DOCK7: variants seen among roughly 807,000 people sequenced by gnomAD.
The protein encoded by DOCK7 is dedicator of cytokinesis 7, also known as dedicator of cytokinesis protein 7.
In DOCK7, 138 loss-of-function variants were observed where a neutral mutation model predicts 271.0. The ratio of observed to expected loss-of-function variants is 0.51; its 90% CI spans 0.44 to 0.59. The LOEUF (loss-of-function observed/expected upper bound fraction) is 0.59. Among genes scored for constraint, DOCK7 ranks in the 20% least tolerant of loss-of-function variants. The pLI is 0.00. For missense variants in DOCK7, 2,066 were observed against 2,592.4 expected, an observed-to-expected ratio of 0.80 and a Z score of 4.41; for synonymous variants, 823 against 876.1, an observed-to-expected ratio of 0.94 and a Z score of 1.07.
intron 16 of DOCK7, among the ~76,000 whole-genome samples, chr1:62,580,677 T>C (rs1647087351): frequency 6.6e-6 from 1 of 151,202 alleles, no homozygotes; most frequent in African/African-American, 2.4e-5. Context: ...AGATGAAGAT[T>C]AAAAAAAAAC....
intron 24 of DOCK7, 129 bp from the exon 25 acceptor site, chr1:62,542,832 A>T: frequency 1.4e-6 from 1 of 723,908 alleles, no homozygotes; most frequent in East Asian, 2.8e-5. Flanking sequence ...CCATTCAATG[A>T]TGCACTGAAG....
intron 4 of DOCK7, among the ~76,000 whole-genome samples, chr1:62,649,864 A>G (rs1055783304): frequency 5.3e-5 from 8 of 152,274 alleles, no homozygotes; most frequent in African/African-American, 1.9e-4. Flanking sequence ...CCTCTGCCTA[A>G]TAACATTCTT....
At chr1:62,592,110 G>A (rs1157995295) in intron 14 of DOCK7, among the ~76,000 whole-genome samples, 1 of 152,088 alleles carries the variant, frequency 6.6e-6, no homozygotes, top group Non-Finnish European at 1.5e-5. Context: ...ATCTCTGAAG[G>A]TGAAAGGCAT....
At chr1:62,665,048 G>A (rs1322337566) in intron 1 of DOCK7, among the ~76,000 whole-genome samples, 1 of 152,120 alleles carries the variant, frequency 6.6e-6, no homozygotes, top group Non-Finnish European at 1.5e-5. Context: ...GTGCAGTGGC[G>A]CGATCTCGGC....
In DOCK7 at chr1:62,577,245, A is replaced by ACAT. The variant is rs1415378862; in HGVS notation, c.2112+14_2112+16dup. ...ATTTCATTCAATCTGGAGAAAGTCA[A>ACAT]CATGGGAGACACTGACCTCAGGAGA... On this transcript the variant is annotated intron_variant, in intron 18 of 49. Coordinates refer to ENST00000635253, the MANE Select transcript of DOCK7 (RefSeq NM_001367561.1). 2 of 1,413,064 alleles carry ACAT rather than the reference A, an allele frequency of 1.4e-6. No individual in the cohort carries two copies. Among genetic ancestry groups the ACAT allele is most frequent in the Non-Finnish European group, 1.9e-6 (2 of 1,060,708 alleles). 87.5% of individuals were successfully genotyped at this position (1,413,064 alleles called of 1,614,324 possible). A position where few individuals can be genotyped will look rare whatever the true frequency, so the allele number is the denominator to read the frequency against.
At chr1:62,461,384 T>C (rs1238723434) in intron 48 of DOCK7, among the ~76,000 whole-genome samples, 2 of 152,050 alleles carry the variant, frequency 1.3e-5, no homozygotes, top group Admixed American at 6.6e-5. Context: ...AAAAGTAATA[T>C]ATAAAGTTAA....
intron 49 of DOCK7, among the ~76,000 whole-genome samples, chr1:62,456,825 A>G (rs770791857): frequency 5.9e-5 from 9 of 152,146 alleles, no homozygotes; most frequent in Non-Finnish European, 1.2e-4. Context: ...GCAAGAAGGA[A>G]AAACTTTCAA....
At chr1:62,670,572 A>G (rs1659863558) in intron 1 of DOCK7, among the ~76,000 whole-genome samples, 1 of 152,154 alleles carries the variant, frequency 6.6e-6, no homozygotes. Flanking sequence ...AAACACACCA[A>G]TCAGCACCCT....
At chr1:62,566,966 T>A (rs185269491) in intron 18 of DOCK7, among the ~76,000 whole-genome samples, 181 of 152,260 alleles carry the variant, frequency 1.2e-3, no homozygotes, top group Middle Eastern at 3.4e-3. Flanking sequence ...CACTGATCAA[T>A]AGAGAAATGC....
At chr1:62,610,093 C>T (rs1047420163) in intron 14 of DOCK7, among the ~76,000 whole-genome samples, 1 of 152,178 alleles carries the variant, frequency 6.6e-6, no homozygotes, top group African/African-American at 2.4e-5. Context: ...TCGTGATCCG[C>T]CTTCCTCGGC....
intron 7 of DOCK7, among the ~76,000 whole-genome samples, chr1:62,639,088 A>C (rs901662657): frequency 2.0e-5 from 3 of 152,124 alleles, no homozygotes; most frequent in Non-Finnish European, 4.4e-5. Context: ...CTAGTTGTCT[A>C]ATCATGTACC....
intron 39 of DOCK7, chr1:62,494,940 T>C (rs1035277008): frequency 1.3e-5 from 2 of 153,122 alleles, no homozygotes; most frequent in African/African-American, 4.8e-5. Flanking sequence ...TACTATTGTA[T>C]CTATTAAGGT....
chr1:62,492,943 G>T, intron 40 of DOCK7, 96 bp from the exon 41 acceptor site: 1 of 1,030,524 alleles, frequency 9.7e-7, no homozygotes, highest in Non-Finnish European at 1.4e-6. Context: ...GTAACTATCA[G>T]GTTAGGTTAA....
chr1:62,588,211 T>C (rs1433757394), intron 14 of DOCK7, among the ~76,000 whole-genome samples: 2 of 152,188 alleles, frequency 1.3e-5, no homozygotes, highest in Non-Finnish European at 2.9e-5. Context: ...AAACATTTGC[T>C]GATTGCTCCA....
chr1:62,473,592 C>T (rs917547708), intron 48 of DOCK7, among the ~76,000 whole-genome samples: 3 of 151,994 alleles, frequency 2.0e-5, no homozygotes, highest in Non-Finnish European at 4.4e-5. Flanking sequence ...TTTTCTCTCT[C>T]TCTCTCTTTC....
Position 62,625,436 on chromosome 1 carries a change from A to G in DOCK7, c.1283-35T>C, listed in dbSNP as rs1188657908. ...AATTAAAAAAAAAATTCATTTTCAT[A>G]GAAGTTAAATTTTGTTTTAAAGTAG... On this transcript the variant is annotated intron_variant, in intron 11 of 49. Transcript: ENST00000635253. 4.5e-6 allele frequency: 7 copies of G among 1,565,170 alleles called. No individual in the cohort carries two copies. In the Admixed American group the frequency reaches 7.7e-5, roughly 17 times the overall value.
chr1:62,595,449 A>G (rs151147750), intron 14 of DOCK7, among the ~76,000 whole-genome samples: 60 of 152,306 alleles, frequency 3.9e-4, no homozygotes, highest in African/African-American at 1.2e-3. Flanking sequence ...AAGTAATTTG[A>G]CCAAAGGTCA....
At chr1:62,654,394 A>G (rs953087676) in intron 2 of DOCK7, among the ~76,000 whole-genome samples, 16 of 152,128 alleles carry the variant, frequency 1.1e-4, no homozygotes, top group African/African-American at 3.9e-4. Flanking sequence ...CTTTGCCCAG[A>G]ACTCTCACAT....
At chr1:62,592,371 C>T (rs1355293325) in intron 14 of DOCK7, among the ~76,000 whole-genome samples, 2 of 152,014 alleles carry the variant, frequency 1.3e-5, no homozygotes, top group African/African-American at 4.8e-5. Flanking sequence ...AATAAAACCA[C>T]AAAAATACTA....
Sources: allele counts gnomAD v4.1 joint callset (sites outside exome capture counted in the v4.1 genomes callset), GRCh38; gene constraint gnomAD v4.1.1; transcripts MANE v1.5; gene names NCBI Gene and HGNC (gene_info 2026-07-23, HGNC 2026-07-21).